Variants in ITPR2 observed in about 807,000 individuals in gnomAD.
The protein encoded by ITPR2 is inositol 1,4,5-trisphosphate-gated calcium channel ITPR2.
In ITPR2, 207 loss-of-function variants were observed where a neutral mutation model predicts 317.1. That is an observed-to-expected ratio of 0.65 (90% confidence interval 0.58 to 0.73). The LOEUF is 0.73. Ranked by LOEUF, ITPR2 falls within the 30% of genes least tolerant of loss-of-function variation. ITPR2 has a pLI of 0.00. For synonymous variants in ITPR2, 1,156 were observed against 1,149.1 expected (o/e 1.01, Z -0.12); for missense variants, 2,613 against 3,284.0 (o/e 0.80, Z 4.99).
chr12:26,831,069 C>T lies in ITPR2; in HGVS notation c.92+1621G>A, dbSNP rs1951093722. Among the ~76,000 whole-genome samples the T allele has an allele frequency of 6.6e-6, 1 of 152,014 alleles. No individual in the cohort carries two copies. The highest frequency in any genetic ancestry group is 2.1e-4 in the South Asian group (1 of 4,822). ...CCCCCTCTGCTTAACTACTACATCA[C>T]ACACACACACCTGGAGAGTCTACGG... On this transcript the variant is annotated intron_variant, in intron 1 of 56. Coordinates refer to ENST00000381340, the MANE Select transcript of ITPR2 (RefSeq NM_002223.4). The surrounding 1 kb of genome is among the most constrained non-coding windows in gnomAD (Gnocchi z 4.9).
intron 37 of ITPR2, among the ~76,000 whole-genome samples, chr12:26,509,911 T>TA (rs1565569880): frequency 2.8e-5 from 4 of 144,532 alleles, no homozygotes; most frequent in East Asian, 2.1e-4. Flanking sequence ...CTCATCTTCC[T>TA]AAAAAAAGAT....
At chr12:26,370,056 T>C (rs1939136613) in intron 55 of ITPR2, among the ~76,000 whole-genome samples, 1 of 152,148 alleles carries the variant, frequency 6.6e-6, no homozygotes, top group Admixed American at 6.5e-5. Context: ...GCCCCATGTG[T>C]CTCTTCATTT....
At chr12:26,746,821 C>CAT (rs956028831) in intron 2 of ITPR2, among the ~76,000 whole-genome samples, 1 of 99,824 alleles carries the variant, frequency 1.0e-5, no homozygotes, top group African/African-American at 3.1e-5. Context: ...GGGGTGCATG[C>CAT]ATGTGTGTGT....
intron 45 of ITPR2, among the ~76,000 whole-genome samples, chr12:26,475,093 C>T (rs1014461218): frequency 2.0e-5 from 3 of 152,140 alleles, no homozygotes; most frequent in African/African-American, 7.2e-5. Flanking sequence ...GTACCAAGCA[C>T]TCTTTTCCTG....
chr12:26,345,871 AC>A (rs1938292069), intron 55 of ITPR2, among the ~76,000 whole-genome samples: 3 of 152,206 alleles, frequency 2.0e-5, no homozygotes. Context: ...ATGCCATCTA[AC>A]AAAGCAGTTT....
chr12:26,342,759 GCCACCAT>G (rs1938175082), intron 55 of ITPR2, among the ~76,000 whole-genome samples: 1 of 152,042 alleles, frequency 6.6e-6, no homozygotes, highest in African/African-American at 2.4e-5. Context: ...ATAGGTGTGC[GCCACCAT>G]GCCCGGCTGA....
At chr12:26,556,790 A>G (rs73087265) in intron 35 of ITPR2, among the ~76,000 whole-genome samples, 9,388 of 105,660 alleles carry the variant, frequency 0.089, 510 homozygotes, top group African/African-American at 0.17. Context: ...AAAAAAAAAA[A>G]AATTCCAGCC....
intron 2 of ITPR2, among the ~76,000 whole-genome samples, chr12:26,733,313 CAAA>C (rs1200350846): frequency 6.1e-5 from 3 of 49,540 alleles, no homozygotes; most frequent in Non-Finnish European, 8.9e-5. Context: ...GACTCCATCT[CAAA>C]AAAAAAAAAA....
chr12:26,353,810 A>G (rs1332087189), intron 55 of ITPR2, among the ~76,000 whole-genome samples: 1 of 152,138 alleles, frequency 6.6e-6, no homozygotes, highest in Non-Finnish European at 1.5e-5. Context: ...GAGAATTAGG[A>G]ATAAGTACTC....
chr12:26,692,035 A>G (rs979560446), intron 10 of ITPR2, among the ~76,000 whole-genome samples: 2 of 152,114 alleles, frequency 1.3e-5, no homozygotes, highest in Non-Finnish European at 2.9e-5. Flanking sequence ...GTCACTGATG[A>G]ATATATAGTA....
At chr12:26,764,684 G>A (rs1379597403) in intron 2 of ITPR2, among the ~76,000 whole-genome samples, 3 of 150,018 alleles carry the variant, frequency 2.0e-5, no homozygotes, top group African/African-American at 7.3e-5. Context: ...TCACTAATGT[G>A]GATTTCTAAA....
At chr12:26,346,230 AC>A (rs1242611722) in intron 55 of ITPR2, among the ~76,000 whole-genome samples, 3 of 152,218 alleles carry the variant, frequency 2.0e-5, no homozygotes, top group African/African-American at 7.2e-5. Flanking sequence ...CTAAATTCTA[AC>A]AGTTATCTAT....
intron 39 of ITPR2, among the ~76,000 whole-genome samples, chr12:26,493,420 A>G (rs1296986436): frequency 6.6e-6 from 1 of 152,218 alleles, no homozygotes; most frequent in Non-Finnish European, 1.5e-5. Flanking sequence ...TTTACTGACC[A>G]AGGCAAACCT....
chr12:26,780,347 T>C (rs1473171875), intron 2 of ITPR2, among the ~76,000 whole-genome samples: 1 of 152,164 alleles, frequency 6.6e-6, no homozygotes, highest in East Asian at 1.9e-4. Flanking sequence ...AGACACTTAC[T>C]CCAGATATGG....
chr12:26,795,816 G>A (rs938227027), intron 1 of ITPR2, among the ~76,000 whole-genome samples: 5 of 151,900 alleles, frequency 3.3e-5, no homozygotes, highest in Non-Finnish European at 5.9e-5. Context: ...AAACCCTATC[G>A]CTACAAAAAA....
chr12:26,555,103 T>C (rs561791480), intron 36 of ITPR2, among the ~76,000 whole-genome samples: 6 of 152,306 alleles, frequency 3.9e-5, no homozygotes, highest in African/African-American at 1.2e-4. Context: ...CAAAAATACC[T>C]GATTCTGGCC....
intron 46 of ITPR2, among the ~76,000 whole-genome samples, chr12:26,442,515 T>C (rs1183385227): frequency 6.6e-6 from 1 of 152,132 alleles, no homozygotes; most frequent in African/African-American, 2.4e-5. Flanking sequence ...TCACTCTATT[T>C]GCTATTCCCT....
At chr12:26,450,353 C>T (rs1170395594) in intron 45 of ITPR2, among the ~76,000 whole-genome samples, 1 of 152,178 alleles carries the variant, frequency 6.6e-6, no homozygotes, top group Non-Finnish European at 1.5e-5. Context: ...TCTCTTTCTT[C>T]CCTTCTCTTA....
intron 47 of ITPR2, 32 bp from the exon 48 acceptor site, chr12:26,436,378 A>G: frequency 6.3e-7 from 1 of 1,581,108 alleles, no homozygotes; most frequent in Middle Eastern, 1.7e-4. Flanking sequence ...GGAACTGAAC[A>G]GGAAAATACA....
Sources: allele counts gnomAD v4.1 joint callset (sites outside exome capture counted in the v4.1 genomes callset), GRCh38; gene constraint gnomAD v4.1.1; non-coding constraint Gnocchi (gnomAD v3.1); transcripts MANE v1.5; gene names NCBI Gene and HGNC (gene_info 2026-07-23, HGNC 2026-07-21).